Variants in ALK observed in about 807,000 individuals in gnomAD.
ALK encodes the protein ALK receptor tyrosine kinase, also known as ALK tyrosine kinase receptor.
In ALK, 74 loss-of-function variants were observed where a neutral mutation model predicts 163.1. The observed-to-expected ratio is 0.45, with a 90% CI of 0.38 to 0.55. The LOEUF (loss-of-function observed/expected upper bound fraction) is 0.55, where lower values mean the gene tolerates loss of function less well. Among genes scored for constraint, ALK ranks in the 20% least tolerant of loss-of-function variants. ALK has a pLI of 0.00. For missense variants in ALK, 2,063 were observed against 2,105.3 expected (o/e 0.98, Z 0.39); for synonymous variants, 960 against 843.2 (o/e 1.14, Z -2.40).
chr2:29,638,832 T>C (rs1470927238), intron 3 of ALK, among the ~76,000 whole-genome samples: 1 of 152,142 alleles, frequency 6.6e-6, no homozygotes, highest in Admixed American at 6.5e-5. Context: ...CTGAGCCATA[T>C]ACATGTTTAT....
intron 4 of ALK, among the ~76,000 whole-genome samples, chr2:29,453,012 A>C (rs1267371833): frequency 1.3e-5 from 2 of 152,350 alleles, no homozygotes; most frequent in Non-Finnish European, 2.9e-5. Context: ...CAATGCAGGA[A>C]ACGGGATTGG....
chr2:29,773,653 C>CT (rs1270551542), intron 1 of ALK, among the ~76,000 whole-genome samples: 1 of 152,150 alleles, frequency 6.6e-6, no homozygotes, highest in Non-Finnish European at 1.5e-5. Flanking sequence ...AAACATCCAT[C>CT]CATTGAGATG....
chr2:29,771,063 A>G (rs929153323), intron 1 of ALK, among the ~76,000 whole-genome samples: 4 of 152,166 alleles, frequency 2.6e-5, no homozygotes, highest in Non-Finnish European at 5.9e-5. Flanking sequence ...ACAGACAAGC[A>G]TTAACACAGA....
chr2:29,903,367 T>C (rs1451689962), intron 1 of ALK, among the ~76,000 whole-genome samples: 1 of 152,162 alleles, frequency 6.6e-6, no homozygotes, highest in Non-Finnish European at 1.5e-5. Context: ...TTTATATCCC[T>C]CATTCATTCC....
intron 26 of ALK, among the ~76,000 whole-genome samples, chr2:29,205,781 C>T (rs1194630844): frequency 6.6e-6 from 1 of 152,162 alleles, no homozygotes; most frequent in African/African-American, 2.4e-5. Context: ...CTAGTATCCT[C>T]AACTTCATCA....
chr2:29,757,036 G>C (rs1189403633), intron 1 of ALK, among the ~76,000 whole-genome samples: 1 of 152,194 alleles, frequency 6.6e-6, no homozygotes, highest in South Asian at 2.1e-4. Flanking sequence ...AGCAGGAAAG[G>C]CCTTTCCAGG....
chr2:29,405,339 C>A (rs907664766), intron 4 of ALK, among the ~76,000 whole-genome samples: 40 of 152,188 alleles, frequency 2.6e-4, no homozygotes, highest in African/African-American at 9.2e-4. Flanking sequence ...TGTCTTCTAA[C>A]CTACAATATG....
At chr2:29,497,686 G>C (rs1672065352) in intron 4 of ALK, among the ~76,000 whole-genome samples, 1 of 152,190 alleles carries the variant, frequency 6.6e-6, no homozygotes, top group South Asian at 2.1e-4. Flanking sequence ...CTTGAAGACA[G>C]AATCTTTTTC....
At chr2:29,833,941 C>T (rs961480263) in intron 1 of ALK, among the ~76,000 whole-genome samples, 3 of 152,180 alleles carry the variant, frequency 2.0e-5, no homozygotes, top group Non-Finnish European at 4.4e-5. Context: ...ATATCAACTG[C>T]ACTCCTCAGC....
chr2:29,379,400 C>T lies in ALK; in HGVS notation c.1282+4332G>A, dbSNP rs562691631. ...ATTAACCAATCAGTCAACATGTATT[C>T]GTGTGGTGTTTTCTGTGTGTTTAGC... On this transcript the variant is annotated intron_variant, in intron 5 of 28. Coordinates refer to ENST00000389048, the MANE Select transcript of ALK (RefSeq NM_004304.5). 2.6e-5 allele frequency among the ~76,000 whole-genome samples: 4 copies of T among 152,292 alleles called. No homozygotes were observed. In the South Asian group the frequency reaches 8.3e-4, roughly 32 times the overall value.
At chr2:29,307,860 G>T (rs1464531374) in intron 8 of ALK, among the ~76,000 whole-genome samples, 1 of 152,142 alleles carries the variant, frequency 6.6e-6, no homozygotes, top group Non-Finnish European at 1.5e-5. Flanking sequence ...GGTCTTGCAG[G>T]ATACTTAAAA....
Position 29,920,565 on chromosome 2 carries a change from GGGGA to G in ALK, c.91_94del (p.Ser31GlnfsTer49). Reference sequence around the variant, plus strand: ...GGGCTGCAGCGGCGGCCCCGCAGCTGGGGAGCCCGCGCGCTGGCCGGTCCCCATC... The same window carrying G: ...GGGCTGCAGCGGCGGCCCCGCAGCTGGCCCGCGCGCTGGCCGGTCCCCATC... On this transcript the variant is annotated frameshift_variant, in exon 1 of 29. Transcript: ENST00000389048. LOFTEE classifies it high-confidence loss of function. The G allele has an allele frequency of 6.3e-7, 1 of 1,595,582 alleles. No homozygotes were observed. Among genetic ancestry groups the G allele is most frequent in the South Asian group, 1.1e-5 (1 of 89,550 alleles).
At chr2:29,693,970 A>T (rs1205277798) in intron 3 of ALK, among the ~76,000 whole-genome samples, 16 of 152,194 alleles carry the variant, frequency 1.1e-4, no homozygotes, top group Non-Finnish European at 4.4e-5. Flanking sequence ...GCAAACTGAA[A>T]AAACTACCCT....
rs143207725 is a variant in ALK, at chr2:29,451,086, T to C, written c.1155-67227A>G. On this transcript the variant is annotated intron_variant, in intron 4 of 28. Transcript: ENST00000389048. ...CTGTGGGTCTGATGTTTGCTTGCTA[T>C]AAAGAGTAAGTGGTGTGTTTTCTAA... 1.6e-3 allele frequency among the ~76,000 whole-genome samples: 239 copies of C among 152,320 alleles called. 1 individual carries two copies. Among genetic ancestry groups the C allele is most frequent in the African/African-American group, 5.2e-3 (217 of 41,586 alleles).
intron 26 of ALK, 118 bp from the exon 27 acceptor site, chr2:29,197,794 C>T (rs919988064): frequency 4.6e-6 from 4 of 878,586 alleles, no homozygotes; most frequent in Non-Finnish European, 7.6e-6. Flanking sequence ...ATACCCTTTT[C>T]CATAACATAG....
intron 3 of ALK, among the ~76,000 whole-genome samples, chr2:29,540,484 G>T (rs113706769): frequency 0.023 from 3,470 of 151,638 alleles, 40 homozygotes; most frequent in Middle Eastern, 0.069. Context: ...TGAATAATCA[G>T]GCCAAATATT....
At chr2:29,283,919 G>A (rs1665780254) in intron 9 of ALK, among the ~76,000 whole-genome samples, 1 of 152,170 alleles carries the variant, frequency 6.6e-6, no homozygotes, top group African/African-American at 2.4e-5. Context: ...CCTATAGCTA[G>A]GAGTGTAGAG....
chr2:29,457,887 C>A (rs55737023), intron 4 of ALK, among the ~76,000 whole-genome samples: 3,843 of 152,142 alleles, frequency 0.025, 74 homozygotes, highest in Non-Finnish European at 0.04. Context: ...ACAAAAAAAT[C>A]CTTCACACAT....
chr2:29,543,123 G>A (rs187810001), intron 3 of ALK, among the ~76,000 whole-genome samples: 2 of 152,112 alleles, frequency 1.3e-5, no homozygotes, highest in East Asian at 3.9e-4. Flanking sequence ...GAGACTTGAA[G>A]GACCAGAGGA....
Sources: allele counts gnomAD v4.1 joint callset (sites outside exome capture counted in the v4.1 genomes callset), GRCh38; gene constraint gnomAD v4.1.1; transcripts MANE v1.5; gene names NCBI Gene and HGNC (gene_info 2026-07-23, HGNC 2026-07-21).